Variants in FA2H observed in about 807,000 individuals in gnomAD.
The protein encoded by FA2H is fatty acid alpha-hydroxylase.
A neutral mutation model predicts 44.9 loss-of-function variants in FA2H; 22 were observed. That is an observed-to-expected ratio of 0.49 (90% CI 0.35 to 0.70). FA2H has a LOEUF of 0.70. Ranked by LOEUF, FA2H falls within the 30% of genes least tolerant of loss-of-function variation. The probability of loss-of-function intolerance (pLI) is 0.01; values close to 1 mark genes in which losing one functional copy is unlikely to be tolerated. For synonymous variants in FA2H, 243 were observed against 213.2 expected (o/e 1.14, Z -1.22); for missense variants, 501 against 504.9 (o/e 0.99, Z 0.07).
chr16:74,726,457 C>T (rs1031265139), intron 3 of FA2H, 126 bp from the exon 4 acceptor site: 15 of 638,384 alleles, frequency 2.3e-5, no homozygotes, highest in Non-Finnish European at 2.8e-5. Flanking sequence ...GGCGTGATTT[C>T]GGCTCACTGC....
intron 2 of FA2H, among the ~76,000 whole-genome samples, chr16:74,737,676 C>G (rs1050207727): frequency 2.6e-5 from 4 of 152,210 alleles, no homozygotes; most frequent in Non-Finnish European, 5.9e-5. Flanking sequence ...TGGCAGCAAT[C>G]ACAGTACTGA....
intron 1 of FA2H, among the ~76,000 whole-genome samples, chr16:74,765,001 G>C (rs1962782334): frequency 6.6e-6 from 1 of 152,156 alleles, no homozygotes; most frequent in South Asian, 2.1e-4. Flanking sequence ...GGGACGGGTA[G>C]ACTGTAAGAG....
chr16:74,748,260 C>T (rs1490886506), intron 1 of FA2H, among the ~76,000 whole-genome samples: 2 of 152,224 alleles, frequency 1.3e-5, no homozygotes, highest in African/African-American at 4.8e-5. Flanking sequence ...CAAACGCCGC[C>T]CTCTTTAGTG....
At chr16:74,721,698 C>A (rs1002336039) in intron 4 of FA2H, among the ~76,000 whole-genome samples, 1 of 152,194 alleles carries the variant, frequency 6.6e-6, no homozygotes, top group South Asian at 2.1e-4. Context: ...CCCTTGAACA[C>A]GCTCTACTCC....
intron 2 of FA2H, among the ~76,000 whole-genome samples, chr16:74,733,733 C>T (rs1962125401): frequency 6.6e-6 from 1 of 152,140 alleles, no homozygotes; most frequent in African/African-American, 2.4e-5. Context: ...CGATGCAAGA[C>T]ACATTTCGCT....
At chr16:74,770,517 T>C (rs370404094) in intron 1 of FA2H, among the ~76,000 whole-genome samples, 5 of 152,294 alleles carry the variant, frequency 3.3e-5, no homozygotes, top group African/African-American at 1.2e-4. Context: ...TAGCTGGGAC[T>C]GCAGGCACGA....
At chr16:74,733,663 C>T (rs534520197) in intron 2 of FA2H, among the ~76,000 whole-genome samples, 4 of 152,246 alleles carry the variant, frequency 2.6e-5, no homozygotes, top group South Asian at 2.1e-4. Context: ...TTGGCGGGAC[C>T]GGGTTTTGAG....
chr16:74,721,233 T>C (rs551216906), intron 4 of FA2H, among the ~76,000 whole-genome samples: 2 of 152,252 alleles, frequency 1.3e-5, no homozygotes, highest in East Asian at 3.9e-4. Context: ...AATGGGACGA[T>C]CTCGGCTCAC....
intron 1 of FA2H, among the ~76,000 whole-genome samples, chr16:74,745,053 C>G (rs1276350554): frequency 6.6e-6 from 1 of 152,112 alleles, no homozygotes; most frequent in Non-Finnish European, 1.5e-5. Context: ...TTTCTTGTAC[C>G]CTGAGGCGAA....
rs1481242524 is a variant in FA2H at position 74,713,994 on chromosome 16, G to A, written c.*196C>T. On this transcript the variant is annotated 3_prime_UTR_variant, in exon 7 of 7. Coordinates refer to ENST00000219368, the MANE Select transcript of FA2H (RefSeq NM_024306.5). ...CCAAGGGCCACCTGGCCACCAAGTG[G>A]ATGTGACCCTCCTACCAGGGGTCAG... The A allele has an allele frequency of 3.4e-6, 2 of 585,580 alleles. No homozygotes were observed. The highest frequency in any genetic ancestry group is 1.9e-5 in the African/African-American group (1 of 53,604). The allele number at this position is 585,580 out of a possible 1,614,324, so 36.3% of individuals were successfully genotyped here.
At chr16:74,742,781 G>A (rs1962340212) in intron 1 of FA2H, among the ~76,000 whole-genome samples, 1 of 152,182 alleles carries the variant, frequency 6.6e-6, no homozygotes, top group South Asian at 2.1e-4. Context: ...GAGGCTATGA[G>A]TGAGCTATGA....
intron 2 of FA2H, 90 bp downstream of exon 2, chr16:74,739,933 C>T (rs1962258118): frequency 3.1e-6 from 3 of 976,022 alleles, no homozygotes; most frequent in Admixed American, 3.4e-5. Context: ...CACGTCATGC[C>T]CACTCCCAGC....
Position 74,716,607 on chromosome 16 carries a change from T to C in FA2H, c.787-8A>G, listed in dbSNP as rs1656131009. The C allele has an allele frequency of 4.5e-6, 7 of 1,545,662 alleles. No homozygotes were observed. The highest frequency in any genetic ancestry group is 6.1e-6 in the Non-Finnish European group (7 of 1,147,310). On this transcript the variant is annotated splice_polypyrimidine_tract_variant and splice_region_variant and intron_variant, in intron 5 of 6. Coordinates refer to ENST00000219368, the MANE Select transcript of FA2H (RefSeq NM_024306.5). The stretch of plus-strand genomic sequence containing the variant: ...GGAGCCGTCGAAGGGTGCCTGCAGA[T>C]GGAGAGGCTTGGGCATCAGGAGGCA...
chr16:74,741,790 ATATATATATATATATATATG>A (rs1347283346), intron 1 of FA2H, among the ~76,000 whole-genome samples: 2 of 72,624 alleles, frequency 2.8e-5, no homozygotes, highest in Non-Finnish European at 2.6e-5. Flanking sequence ...ATATATATAT[ATATATATATATATATATATG>A]TGTGTGTGTG....
intron 4 of FA2H, 89 bp downstream of exon 4, chr16:74,726,136 G>T: frequency 1.2e-6 from 1 of 864,722 alleles, no homozygotes; most frequent in Non-Finnish European, 1.9e-6. Context: ...TTGGGGTTCT[G>T]TGCTCTCAGA....
intron 1 of FA2H, among the ~76,000 whole-genome samples, chr16:74,760,354 C>T (rs780235214): frequency 6.6e-6 from 1 of 152,182 alleles, no homozygotes; most frequent in Non-Finnish European, 1.5e-5. Flanking sequence ...TCTAGACTGG[C>T]TAAACTAAAA....
intron 1 of FA2H, among the ~76,000 whole-genome samples, chr16:74,745,344 A>G (rs1030819377): frequency 6.6e-6 from 1 of 152,228 alleles, no homozygotes; most frequent in African/African-American, 2.4e-5. Flanking sequence ...TGGCCCTGCC[A>G]ATACTTGCTG....
intron 1 of FA2H, among the ~76,000 whole-genome samples, chr16:74,754,527 T>C (rs1345022936): frequency 6.6e-6 from 1 of 152,094 alleles, no homozygotes. Context: ...ACAGGATTTT[T>C]ATTTATTTAT....
intron 1 of FA2H, among the ~76,000 whole-genome samples, chr16:74,752,309 C>T (rs79571741): frequency 6.6e-6 from 1 of 152,132 alleles, no homozygotes; most frequent in African/African-American, 2.4e-5. Flanking sequence ...GCTTAAAATC[C>T]TCCAGTGGCC....
Sources: gnomAD v4.1 joint callset for allele counts (sites outside exome capture counted in the v4.1 genomes callset) on GRCh38, gnomAD v4.1.1 for gene constraint, MANE v1.5 for transcripts, NCBI Gene and HGNC (gene_info 2026-07-23, HGNC 2026-07-21) for gene names.